APOL1: variants seen among roughly 807,000 people sequenced by gnomAD.
APOL1 encodes apolipoprotein L1.
APOL1 carries 17 observed loss-of-function variants against 14.9 expected under a neutral mutation model. The ratio of observed to expected loss-of-function variants is 1.14; its 90% CI spans 0.78 to 1.71. The LOEUF is 1.71. APOL1 is among the 40% of genes most tolerant of loss of function. The pLI, the probability that APOL1 is intolerant of heterozygous loss-of-function variation, is 0.00. For synonymous variants in APOL1, 195 were observed against 184.8 expected (o/e 1.05, Z -0.45); for missense variants, 523 against 485.9 (o/e 1.08, Z -0.72).
intron 5 of APOL1, among the ~76,000 whole-genome samples, chr22:36,264,557 C>A (rs2016171937): frequency 6.6e-6 from 1 of 152,164 alleles, no homozygotes; most frequent in Non-Finnish European, 1.5e-5. Flanking sequence ...ACGGTGTTGA[C>A]CTGCCCTTGA....
chr22:36,257,435 T>A (rs1157472811), intron 4 of APOL1, 28 bp downstream of exon 4: 2 of 1,597,566 alleles, frequency 1.3e-6, no homozygotes, highest in African/African-American at 2.7e-5. Context: ...TCCCTGCTGG[T>A]TCCTACTCGC....
rs368745227 is a variant in APOL1, at chr22:36,254,955, C to T, written c.-1C>T. On this transcript the variant is annotated 5_prime_UTR_variant, in exon 2 of 6. Coordinates refer to ENST00000397278, the MANE Select transcript of APOL1 (RefSeq NM_003661.4). ...GCTCAAGGAGGAGGCCCTGCAGCGACATGGAGGGAGCTGCTTTGCTGAGAG... is the reference window on the plus strand; with the variant it reads ...GCTCAAGGAGGAGGCCCTGCAGCGATATGGAGGGAGCTGCTTTGCTGAGAG... 12 of 1,613,996 alleles carry T rather than the reference C, an allele frequency of 7.4e-6. No homozygotes were observed. The African/African-American group carries it at 8.0e-5, about 11-fold the overall frequency.
chr22:36,255,575 A>C (rs71314975), intron 2 of APOL1, among the ~76,000 whole-genome samples: 1 of 124,568 alleles, frequency 8.0e-6, no homozygotes, highest in Non-Finnish European at 1.7e-5. Context: ...CCAGAAGACA[A>C]ACATCTGTGT....
At chr22:36,257,789 G>A (rs2015938770) in intron 4 of APOL1, among the ~76,000 whole-genome samples, 4 of 151,346 alleles carry the variant, frequency 2.6e-5, no homozygotes, top group Admixed American at 2.0e-4. Flanking sequence ...GTCACCTCCC[G>A]CTCTGCTCCA....
In APOL1 at chr22:36,266,096, T is replaced by A; in HGVS notation, c.*63T>A. 7 of 633,194 alleles carry A rather than the reference T, an allele frequency of 1.1e-5. No homozygotes were observed. Among genetic ancestry groups the A allele is most frequent in the South Asian group, 4.0e-5 (1 of 24,882 alleles). The allele number at this position is 633,194 out of a possible 1,614,324, so 39.2% of individuals were successfully genotyped here. On this transcript the variant is annotated 3_prime_UTR_variant, in exon 6 of 6. Coordinates refer to ENST00000397278, the MANE Select transcript of APOL1 (RefSeq NM_003661.4). Reference sequence around the variant, plus strand: ...GCAGGGGCCAGGACAAAATGCAAACTTTTTTTTTTTTCTGAGACAGAGTCT... The same window carrying A: ...GCAGGGGCCAGGACAAAATGCAAACATTTTTTTTTTTCTGAGACAGAGTCT...
rs776202746 is a variant in APOL1 at position 36,266,131 on chromosome 22, G to A, written c.*98G>A. 1.1e-4 allele frequency: 148 copies of A among 1,355,992 alleles called. No homozygotes were observed. The highest frequency in any genetic ancestry group is 1.3e-4 in the Admixed American group (5 of 39,460). The allele number at this position is 1,355,992 out of a possible 1,614,324, so 84.0% of individuals were successfully genotyped here. A position where few individuals can be genotyped will look rare whatever the true frequency, so the allele number is the denominator to read the frequency against. On this transcript the variant is annotated 3_prime_UTR_variant, in exon 6 of 6. Coordinates refer to ENST00000397278, the MANE Select transcript of APOL1 (RefSeq NM_003661.4). ...TTCTGAGACAGAGTCTTGCTCTGTC[G>A]CCAAGTTGGAGTGCAATGGTGCGAT... is the stretch of plus-strand genomic sequence containing the variant.
Position 36,254,527 on chromosome 22 carries a change from A to C in APOL1, c.-19-410A>C, listed in dbSNP as rs933075152. Among the ~76,000 whole-genome samples, 3 of 152,200 alleles carry C rather than the reference A, an allele frequency of 2.0e-5. No individual in the cohort carries two copies. The East Asian group carries it at 5.8e-4, about 29-fold the overall frequency. On this transcript the variant is annotated intron_variant, in intron 1 of 5. Transcript: ENST00000397278. ...GGCTGCAATGAGCTAGGATGGTGTC[A>C]AAGCCCTGCAGCCTGGGTGACAGAG...
In APOL1 at chr22:36,261,812, T is replaced by C. The variant is rs145546816; in HGVS notation, c.314+90T>C. On this transcript the variant is annotated intron_variant, in intron 5 of 5. Coordinates refer to ENST00000397278, the MANE Select transcript of APOL1 (RefSeq NM_003661.4). ...AGTTTTCCCTGACAGGCACACCTCC[T>C]CCAGGCAGCCCCCTCTGCTGGGCTT... 8.3e-5 allele frequency: 123 copies of C among 1,483,350 alleles called. No homozygotes were observed. In the African/African-American group the frequency reaches 1.6e-3, roughly 19 times the overall value. 91.9% of individuals were successfully genotyped at this position (1,483,350 alleles called of 1,614,324 possible).
At chr22:36,259,918 G>A (rs1202165361) in intron 4 of APOL1, 1 of 1,294,940 alleles carries the variant, frequency 7.7e-7, no homozygotes, top group South Asian at 1.2e-5. Flanking sequence ...TAGCCCCACA[G>A]GTAAGCTATA....
chr22:36,260,533 A>C lies in APOL1; in HGVS notation c.188-1063A>C, dbSNP rs369168665. ...TAATTCCCAGATCCCTGCAAACCAC[A>C]CGTTTTGGTGGCAGCTGACTTCAGG... On this transcript the variant is annotated intron_variant, in intron 4 of 5. Transcript: ENST00000397278. 3.9e-5 allele frequency among the ~76,000 whole-genome samples: 6 copies of C among 152,134 alleles called. No homozygotes were observed. The East Asian group carries it at 1.2e-3, about 29-fold the overall frequency.
chr22:36,266,691 G>C lies in APOL1; in HGVS notation c.*658G>C, dbSNP rs151210481. ...GAGGCCAAGGCGGGCGGATCACGAG[G>C]TCAGGAGATCGAGACCATCCTGGCT... On this transcript the variant is annotated 3_prime_UTR_variant, in exon 6 of 6. Coordinates refer to ENST00000397278, the MANE Select transcript of APOL1 (RefSeq NM_003661.4). The C allele has an allele frequency of 0.045, 16,626 of 368,330 alleles. 534 individuals carry two copies. Among genetic ancestry groups the C allele is most frequent in the Middle Eastern group, 0.11 (155 of 1,396 alleles). 22.8% of individuals were successfully genotyped at this position (368,330 alleles called of 1,614,324 possible). A position where few individuals can be genotyped will look rare whatever the true frequency, so the allele number is the denominator to read the frequency against.
intron 4 of APOL1, among the ~76,000 whole-genome samples, chr22:36,258,816 G>A (rs1449141101): frequency 6.6e-6 from 1 of 152,170 alleles, no homozygotes; most frequent in Non-Finnish European, 1.5e-5. Flanking sequence ...TACATGGAAC[G>A]GCTGTGGTGC....
chr22:36,254,569 A>C (rs1010185278), intron 1 of APOL1, among the ~76,000 whole-genome samples: 1 of 152,088 alleles, frequency 6.6e-6, no homozygotes, highest in African/African-American at 2.4e-5. Flanking sequence ...TGTTTATTAA[A>C]AACTAAACGA....
intron 5 of APOL1, among the ~76,000 whole-genome samples, chr22:36,264,187 T>G (rs1466885469): frequency 2.0e-5 from 3 of 152,174 alleles, no homozygotes; most frequent in Admixed American, 6.5e-5. Context: ...TGGGGCTGGA[T>G]CACAAGCTGC....
chr22:36,266,012 G>T lies in APOL1; in HGVS notation c.1176G>T (p.Leu392=). ...LNILNNNYKI[L]QADQEL is the part of the protein sequence containing the mutation. ...TTCTCAACAATAATTATAAGATTCT[G>T]CAGGCGGACCAAGAACTGTGACCAC... is the stretch of plus-strand genomic sequence containing the variant. Residue 392 remains leucine, a synonymous_variant, in exon 6 of 6, where the codon CTG becomes CTT. Transcript: ENST00000397278. The T allele has an allele frequency of 6.2e-7, 1 of 1,608,520 alleles. No homozygotes were observed. Among genetic ancestry groups the T allele is most frequent in the Non-Finnish European group, 8.5e-7 (1 of 1,176,930 alleles).
intron 1 of APOL1, 170 bp from the exon 2 acceptor site, chr22:36,254,767 G>A (rs895390507): frequency 4.1e-6 from 3 of 728,640 alleles, no homozygotes; most frequent in Non-Finnish European, 6.7e-6. Context: ...GGAGGCTGAG[G>A]CAGGAGAATG....
At chr22:36,258,754 G>A (rs1232590506) in intron 4 of APOL1, among the ~76,000 whole-genome samples, 2 of 152,160 alleles carry the variant, frequency 1.3e-5, no homozygotes, top group Non-Finnish European at 1.5e-5. Flanking sequence ...GGGAAGAGGT[G>A]GGGATTTCTT....
Position 36,266,303 on chromosome 22 carries a change from A to G in APOL1, c.*270A>G, listed in dbSNP as rs1047599234. On this transcript the variant is annotated 3_prime_UTR_variant, in exon 6 of 6. Coordinates refer to ENST00000397278, the MANE Select transcript of APOL1 (RefSeq NM_003661.4). ...ATGGGGTTTCACCATGTTGGCCAGG[A>G]TGGTCTCGATCTCCTGACCTCTTGA... 7 of 433,088 alleles carry G rather than the reference A, an allele frequency of 1.6e-5. No individual in the cohort carries two copies. The East Asian group carries it at 1.8e-4, about 11-fold the overall frequency. 26.8% of individuals were successfully genotyped at this position (433,088 alleles called of 1,614,324 possible).
chr22:36,254,966 C>A lies in APOL1; in HGVS notation c.11C>A (p.Ala4Asp), dbSNP rs781164721. 3.7e-6 allele frequency: 6 copies of A among 1,614,006 alleles called. No individual in the cohort carries two copies. The highest frequency in any genetic ancestry group is 4.5e-5 in the East Asian group (2 of 44,896). ...AGGCCCTGCAGCGACATGGAGGGAG[C>A]TGCTTTGCTGAGAGTCTCTGTCCTC... MEGAALLRVSVLCI... is the reference protein window; with the variant it reads MEGDALLRVSVLCI... Residue 4 changes from alanine (A) to aspartate (D), a missense_variant, in exon 2 of 6, where the codon GCT becomes GAT. Coordinates refer to ENST00000397278, the MANE Select transcript of APOL1 (RefSeq NM_003661.4).
Sources: gnomAD v4.1 joint callset for allele counts (sites outside exome capture counted in the v4.1 genomes callset) on GRCh38, gnomAD v4.1.1 for gene constraint, MANE v1.5 for transcripts, NCBI Gene and HGNC (gene_info 2026-07-23, HGNC 2026-07-21) for gene names.